The following ENOX1 variants were observed in gnomAD, a reference collection of about 807,000 sequenced individuals.
ENOX1 encodes the protein ecto-NOX disulfide-thiol exchanger 1.
A neutral mutation model predicts 82.5 loss-of-function variants in ENOX1; 42 were observed. The observed-to-expected ratio is 0.51, with a 90% CI of 0.40 to 0.66. The LOEUF is 0.66. ENOX1 is among the 30% of genes least tolerant of loss of function. The probability of loss-of-function intolerance (pLI) is 0.00; values close to 1 mark genes in which losing one functional copy is unlikely to be tolerated. For missense variants in ENOX1, 608 were observed against 811.6 expected, an observed-to-expected ratio of 0.75 and a Z score of 3.05; for synonymous variants, 271 against 282.2, an observed-to-expected ratio of 0.96 and a Z score of 0.40.
intron 1 of ENOX1, among the ~76,000 whole-genome samples, chr13:43,708,298 A>C (rs777360410): frequency 6.6e-6 from 1 of 152,226 alleles, no homozygotes; most frequent in Non-Finnish European, 1.5e-5. Flanking sequence ...GCGCATGTCG[A>C]CAGCCCACCC....
intron 2 of ENOX1, among the ~76,000 whole-genome samples, chr13:43,555,386 CTATT>C (rs2079389252): frequency 6.6e-6 from 1 of 152,196 alleles, no homozygotes; most frequent in Non-Finnish European, 1.5e-5. Context: ...GTGAAGTACT[CTATT>C]TAGACATGTT....
At chr13:43,713,711 G>A (rs1001434316) in intron 1 of ENOX1, among the ~76,000 whole-genome samples, 14 of 150,996 alleles carry the variant, frequency 9.3e-5, no homozygotes, top group African/African-American at 3.2e-4. Flanking sequence ...AGAGGTGTTT[G>A]TAGTATTCTC....
At chr13:43,344,140 A>C (rs1317311) in intron 9 of ENOX1, among the ~76,000 whole-genome samples, 4 of 152,056 alleles carry the variant, frequency 2.6e-5, no homozygotes, top group Non-Finnish European at 5.9e-5. Flanking sequence ...CCCAAGGAAA[A>C]TGTGTTCAAG....
intron 8 of ENOX1, among the ~76,000 whole-genome samples, chr13:43,355,259 A>G (rs963589519): frequency 6.6e-6 from 1 of 152,136 alleles, no homozygotes; most frequent in Admixed American, 6.5e-5. Flanking sequence ...GAGCCTTCCT[A>G]TGTCTTTATT....
At chr13:43,632,447 A>G (rs1465497805) in intron 2 of ENOX1, among the ~76,000 whole-genome samples, 1 of 151,580 alleles carries the variant, frequency 6.6e-6, no homozygotes, top group Non-Finnish European at 1.5e-5. Context: ...TTCTATTATA[A>G]TCTTAATTTT....
chr13:43,764,413 C>A (rs1038083691), intron 1 of ENOX1, among the ~76,000 whole-genome samples: 7 of 152,108 alleles, frequency 4.6e-5, no homozygotes, highest in Non-Finnish European at 8.8e-5. Flanking sequence ...AACAGCACAA[C>A]CAGGAGCCAG....
At chr13:43,316,857 C>T (rs548916909) in intron 11 of ENOX1, among the ~76,000 whole-genome samples, 64 of 152,102 alleles carry the variant, frequency 4.2e-4, no homozygotes, top group Admixed American at 4.2e-3. Context: ...AGAAAGCAGG[C>T]TACTCAGCCC....
chr13:43,497,918 T>C (rs1185517129), intron 2 of ENOX1, among the ~76,000 whole-genome samples: 1 of 152,140 alleles, frequency 6.6e-6, no homozygotes, highest in Non-Finnish European at 1.5e-5. Flanking sequence ...TACAGAGCTA[T>C]TCCCATTTTC....
intron 9 of ENOX1, among the ~76,000 whole-genome samples, chr13:43,343,071 G>A (rs115071987): frequency 0.011 from 1,736 of 152,268 alleles, 34 homozygotes; most frequent in African/African-American, 0.037. Context: ...TAAAATTGAT[G>A]CCAGTGAGCA....
chr13:43,262,753 A>G (rs1469712519), intron 14 of ENOX1, among the ~76,000 whole-genome samples: 1 of 152,222 alleles, frequency 6.6e-6, no homozygotes, highest in African/African-American at 2.4e-5. Context: ...CTGGGAATAC[A>G]GACATGAACC....
chr13:43,634,946 C>G (rs1278534077), intron 2 of ENOX1, among the ~76,000 whole-genome samples: 1 of 152,216 alleles, frequency 6.6e-6, no homozygotes, highest in African/African-American at 2.4e-5. Flanking sequence ...GCTTACTAAT[C>G]AGGCATGGTG....
At chr13:43,451,638 A>G (rs1172710247) in intron 3 of ENOX1, among the ~76,000 whole-genome samples, 4 of 152,246 alleles carry the variant, frequency 2.6e-5, no homozygotes, top group Non-Finnish European at 4.4e-5. Flanking sequence ...TTTATTAAAA[A>G]AGATACGTAC....
rs116888902 is a variant in ENOX1 at position 43,323,932 on chromosome 13, C to A, written c.1144-1431G>T. On this transcript the variant is annotated intron_variant, in intron 10 of 16. Transcript: ENST00000690772. ...AGCATTTGAATGGTCAACTCTGTACCCTGGGAATCACCCTTGCAGAAGACA... is the reference window on the plus strand; with the variant it reads ...AGCATTTGAATGGTCAACTCTGTACACTGGGAATCACCCTTGCAGAAGACA... Among the ~76,000 whole-genome samples, 87 of 152,222 alleles carry A rather than the reference C, an allele frequency of 5.7e-4. 2 individuals carry two copies. In the East Asian group the frequency reaches 0.017, roughly 29 times the overall value.
intron 9 of ENOX1, among the ~76,000 whole-genome samples, chr13:43,334,709 A>G (rs917516301): frequency 1.3e-5 from 2 of 152,126 alleles, no homozygotes; most frequent in Non-Finnish European, 2.9e-5. Flanking sequence ...AGTGCAGAAG[A>G]ATCAAAGTGT....
rs1051612130 is a variant in ENOX1, at chr13:43,634,567, C to T, written c.-219+32912G>A. Among the ~76,000 whole-genome samples, 26 of 152,280 alleles carry T rather than the reference C, an allele frequency of 1.7e-4. 1 individual carries two copies. The highest frequency in any genetic ancestry group is 6.5e-4 in the Admixed American group (10 of 15,294). On this transcript the variant is annotated intron_variant, in intron 2 of 16. Coordinates refer to ENST00000690772, the MANE Select transcript of ENOX1 (RefSeq NM_001347969.2). ...GTCAAAAAGCAGTACCCACAGGAGA[C>T]GGCTGCCCAGGCTTTCTAACTGCTA...
chr13:43,234,544 A>G (rs550982334), intron 15 of ENOX1, among the ~76,000 whole-genome samples: 13 of 152,280 alleles, frequency 8.5e-5, no homozygotes, highest in African/African-American at 2.6e-4. Context: ...TCAAATGCTA[A>G]TATTAGTAAA....
chr13:43,603,588 C>G, intron 2 of ENOX1, among the ~76,000 whole-genome samples: 1 of 145,160 alleles, frequency 6.9e-6, no homozygotes, highest in African/African-American at 2.7e-5. Flanking sequence ...CTTCTTGTGT[C>G]CATGTGTTCT....
intron 1 of ENOX1, among the ~76,000 whole-genome samples, chr13:43,706,895 G>A (rs1039860446): frequency 6.6e-6 from 1 of 151,796 alleles, no homozygotes; most frequent in Non-Finnish European, 1.5e-5. Context: ...GTGCAGTAAG[G>A]CAAGAAAGAT....
intron 2 of ENOX1, among the ~76,000 whole-genome samples, chr13:43,490,266 A>C (rs112983332): frequency 3.3e-4 from 50 of 152,306 alleles, no homozygotes; most frequent in African/African-American, 1.2e-3. Flanking sequence ...ATATTTTAGA[A>C]GCGCATAACT....
Sources: allele counts gnomAD v4.1 joint callset (sites outside exome capture counted in the v4.1 genomes callset), GRCh38; gene constraint gnomAD v4.1.1; transcripts MANE v1.5; gene names NCBI Gene and HGNC (gene_info 2026-07-23, HGNC 2026-07-21).